The following RAB18 variants were observed in gnomAD, a reference collection of about 807,000 sequenced individuals.
RAB18 encodes RAB18, member RAS oncogene family, also known as ras-related protein Rab-18.
Under a neutral mutation model 28.5 loss-of-function variants are expected in RAB18, and 10 were observed. The ratio of observed to expected loss-of-function variants is 0.35; its 90% CI spans 0.22 to 0.60. The LOEUF is 0.60. Ranked by LOEUF, RAB18 falls within the 20% of genes least tolerant of loss-of-function variation. The probability of loss-of-function intolerance (pLI) is 0.78; values close to 1 mark genes in which losing one functional copy is unlikely to be tolerated. For missense variants in RAB18, 188 were observed against 244.2 expected (o/e 0.77, Z 1.53); for synonymous variants, 93 against 86.9 (o/e 1.07, Z -0.39).
intron 2 of RAB18, among the ~76,000 whole-genome samples, chr10:27,515,299 TTAAG>T (rs775282599): frequency 5.3e-5 from 8 of 151,284 alleles, no homozygotes; most frequent in Admixed American, 2.0e-4. Flanking sequence ...ACAATTCGCT[TTAAG>T]TTTTTTATTT....
intron 3 of RAB18, among the ~76,000 whole-genome samples, chr10:27,528,125 C>T (rs758320191): frequency 1.2e-4 from 19 of 152,052 alleles, no homozygotes; most frequent in African/African-American, 2.9e-4. Context: ...TATCCCTTTC[C>T]GGCCTTGCTG....
intron 2 of RAB18, among the ~76,000 whole-genome samples, chr10:27,523,265 CTTTT>C (rs34006982): frequency 8.4e-4 from 67 of 79,526 alleles, no homozygotes; most frequent in Non-Finnish European, 1.2e-3. Context: ...TTTTCTTCTT[CTTTT>C]TTTTTTTTTT....
At chr10:27,532,427 G>T (rs1385623794) in intron 3 of RAB18, 80 bp from the exon 4 acceptor site, 2 of 1,074,032 alleles carry the variant, frequency 1.9e-6, no homozygotes, top group African/African-American at 3.2e-5. Flanking sequence ...TAGTAATGCT[G>T]TTTGACTTTC....
chr10:27,527,709 A>G (rs142457564), intron 3 of RAB18, among the ~76,000 whole-genome samples: 31 of 152,200 alleles, frequency 2.0e-4, no homozygotes, highest in African/African-American at 7.2e-4. Context: ...TCAAATCGAG[A>G]CTTATTTCCA....
intron 3 of RAB18, among the ~76,000 whole-genome samples, chr10:27,529,347 G>A (rs535597214): frequency 6.6e-5 from 10 of 151,880 alleles, no homozygotes; most frequent in African/African-American, 1.2e-4. Flanking sequence ...TTAGGAAGGC[G>A]TTTCCTCTGT....
At chr10:27,537,797 C>A in intron 6 of RAB18, 79 bp from the exon 7 acceptor site, 3 of 1,276,542 alleles carry the variant, frequency 2.4e-6, no homozygotes, top group Non-Finnish European at 3.4e-6. Context: ...ATATTTATGC[C>A]CTGATAGTTT....
intron 6 of RAB18, among the ~76,000 whole-genome samples, chr10:27,534,680 G>T (rs1217857425): frequency 6.6e-6 from 1 of 152,200 alleles, no homozygotes; most frequent in Admixed American, 6.5e-5. Context: ...CCTGGGCCCT[G>T]TGCCTTATTA....
rs1367286298 is a variant in RAB18, at chr10:27,538,229, A to G, written c.*178A>G. ...CCCCGGGTAAAATGTTATGGTAAGC[A>G]TGCACAGTTTGCAGTCTACAGTTTT... On this transcript the variant is annotated 3_prime_UTR_variant, in exon 7 of 7. Transcript: ENST00000356940. The G allele has an allele frequency of 2.4e-6, 2 of 829,816 alleles. No homozygotes were observed. Among genetic ancestry groups the G allele is most frequent in the Admixed American group, 2.0e-5 (1 of 49,910 alleles). 51.4% of individuals were successfully genotyped at this position (829,816 alleles called of 1,614,324 possible).
chr10:27,533,532 T>C (rs1834829246), intron 4 of RAB18, among the ~76,000 whole-genome samples: 1 of 151,440 alleles, frequency 6.6e-6, no homozygotes, highest in African/African-American at 2.4e-5. Flanking sequence ...TATATGTTAA[T>C]AGGATTGAAA....
chr10:27,530,870 A>G (rs1000847113), intron 3 of RAB18, among the ~76,000 whole-genome samples: 1 of 151,964 alleles, frequency 6.6e-6, no homozygotes, highest in Non-Finnish European at 1.5e-5. Flanking sequence ...ATCACTGGGC[A>G]TCCATATACC....
rs1175669647 is a variant in RAB18 at position 27,540,448 on chromosome 10, A to G, written c.*2397A>G. ...GTTACCAGCTTTTTGTAACACAACC[A>G]AGTTAAGGCAGTTCCACTATTTCTT... On this transcript the variant is annotated 3_prime_UTR_variant, in exon 7 of 7. Transcript: ENST00000356940. 5 of 453,968 alleles carry G rather than the reference A, an allele frequency of 1.1e-5. No homozygotes were observed. Among genetic ancestry groups the G allele is most frequent in the Non-Finnish European group, 1.8e-5 (4 of 226,774 alleles). 28.1% of individuals were successfully genotyped at this position (453,968 alleles called of 1,614,324 possible).
intron 6 of RAB18, 30 bp from the exon 7 acceptor site, chr10:27,537,846 C>A (rs771727993): frequency 6.3e-7 from 1 of 1,576,862 alleles, no homozygotes; most frequent in African/African-American, 1.3e-5. Flanking sequence ...AAGGAATATA[C>A]TATGAATGAC....
At chr10:27,512,286 A>T (rs1834339974) in intron 2 of RAB18, among the ~76,000 whole-genome samples, 1 of 151,602 alleles carries the variant, frequency 6.6e-6, no homozygotes, top group South Asian at 2.1e-4. Context: ...GTTGTATTAT[A>T]ATAATAATTA....
At chr10:27,518,973 C>T (rs896061337) in intron 2 of RAB18, among the ~76,000 whole-genome samples, 42 of 150,578 alleles carry the variant, frequency 2.8e-4, no homozygotes, top group African/African-American at 9.9e-4. Context: ...TTTCCTTTTG[C>T]ATATGGATAT....
chr10:27,517,584 AAAG>A (rs1834463117), intron 2 of RAB18, among the ~76,000 whole-genome samples: 1 of 152,214 alleles, frequency 6.6e-6, no homozygotes, highest in African/African-American at 2.4e-5. Flanking sequence ...CCTCAATTGA[AAAG>A]AAGTAGAGGT....
intron 6 of RAB18, among the ~76,000 whole-genome samples, chr10:27,535,933 A>G (rs1834885893): frequency 6.6e-6 from 1 of 152,028 alleles, no homozygotes; most frequent in Non-Finnish European, 1.5e-5. Context: ...AATACAAAAA[A>G]TTCACCGGGC....
rs775407088 is a variant in RAB18, at chr10:27,538,946, C to T, written c.*895C>T. On this transcript the variant is annotated 3_prime_UTR_variant, in exon 7 of 7. Coordinates refer to ENST00000356940, the MANE Select transcript of RAB18 (RefSeq NM_021252.5). Reference sequence around the variant, plus strand: ...GATGAATATCTGTATCTTACGGCTTCCATAATGGCTAGTTGATATTCAAAA... The same window carrying T: ...GATGAATATCTGTATCTTACGGCTTTCATAATGGCTAGTTGATATTCAAAA... 6.6e-6 allele frequency: 3 copies of T among 451,692 alleles called. No individual in the cohort carries two copies. The highest frequency in any genetic ancestry group is 1.3e-5 in the Non-Finnish European group (3 of 225,016). 28.0% of individuals were successfully genotyped at this position (451,692 alleles called of 1,614,324 possible). A position where few individuals can be genotyped will look rare whatever the true frequency, so the allele number is the denominator to read the frequency against.
At chr10:27,531,920 AT>A (rs1834796210) in intron 3 of RAB18, among the ~76,000 whole-genome samples, 1 of 151,994 alleles carries the variant, frequency 6.6e-6, no homozygotes, top group Admixed American at 6.6e-5. Flanking sequence ...CCTAGTGTAC[AT>A]TGTTCACTAA....
At chr10:27,525,652 T>C (rs948225460) in intron 2 of RAB18, among the ~76,000 whole-genome samples, 2 of 152,198 alleles carry the variant, frequency 1.3e-5, no homozygotes, top group African/African-American at 4.8e-5. Flanking sequence ...TGGTTGCCCA[T>C]CATTCTAGGC....
Sources: gnomAD v4.1 joint callset for allele counts (sites outside exome capture counted in the v4.1 genomes callset) on GRCh38, gnomAD v4.1.1 for gene constraint, MANE v1.5 for transcripts, NCBI Gene and HGNC (gene_info 2026-07-23, HGNC 2026-07-21) for gene names.